Variants in GRAMD2B observed in about 807,000 individuals in gnomAD.
GRAMD2B encodes the protein GRAM domain-containing protein 2B.
A neutral mutation model predicts 59.2 loss-of-function variants in GRAMD2B; 41 were observed. That is an observed-to-expected ratio of 0.69 (90% CI 0.54 to 0.90). The LOEUF is 0.90. Among genes scored for constraint, GRAMD2B ranks in the 40% least tolerant of loss-of-function variants. The pLI is 0.00. For synonymous variants in GRAMD2B, 161 were observed against 182.7 expected (o/e 0.88, Z 0.96); for missense variants, 424 against 500.5 (o/e 0.85, Z 1.46).
At chr5:126,451,465 T>C (rs902605120) in intron 1 of GRAMD2B, among the ~76,000 whole-genome samples, 32 of 152,154 alleles carry the variant, frequency 2.1e-4, no homozygotes, top group African/African-American at 7.7e-4. Flanking sequence ...TTCCCCTTTC[T>C]TTTGGCCGAC....
chr5:126,377,633 A>C lies in GRAMD2B; in HGVS notation c.125+6066A>C, dbSNP rs75771664. 3.2e-3 allele frequency among the ~76,000 whole-genome samples: 480 copies of C among 152,220 alleles called. 4 individuals are homozygous for C. The highest frequency in any genetic ancestry group is 0.011 in the African/African-American group (456 of 41,542). ...ATTTAGTTTGGTATTTGTGGAATCT[A>C]TTTGTGTGATTTGCCTTCATTTCTG... On this transcript the variant is annotated intron_variant, in intron 1 of 8. Transcript: ENST00000506445.
At chr5:126,369,684 C>T (rs955050368), upstream of GRAMD2B, among the ~76,000 whole-genome samples, 1 of 152,162 alleles carries the variant, frequency 6.6e-6, no homozygotes, top group African/African-American at 2.4e-5. Context: ...ACGAGGAAAG[C>T]TTATCTATTG....
At chr5:126,393,455 C>A (rs1430890097) in intron 1 of GRAMD2B, among the ~76,000 whole-genome samples, 1 of 152,158 alleles carries the variant, frequency 6.6e-6, no homozygotes, top group Admixed American at 6.5e-5. Context: ...TGCCAAATTG[C>A]AACTTCAGCC....
intron 1 of GRAMD2B, among the ~76,000 whole-genome samples, chr5:126,405,601 G>C (rs1347432911): frequency 6.6e-6 from 1 of 151,676 alleles, no homozygotes; most frequent in Non-Finnish European, 1.5e-5. Context: ...CCTAAGTCTA[G>C]TGAACCAGAT....
chr5:126,455,765 A>T (rs902609556), intron 1 of GRAMD2B, among the ~76,000 whole-genome samples: 2 of 152,194 alleles, frequency 1.3e-5, no homozygotes, highest in African/African-American at 4.8e-5. Context: ...CAGCTATAAT[A>T]TTTTTCTACT....
At chr5:126,363,345 T>A (rs997605886) in intron 1 of GRAMD2B, among the ~76,000 whole-genome samples, 1 of 152,116 alleles carries the variant, frequency 6.6e-6, no homozygotes, top group African/African-American at 2.4e-5. Context: ...GTGGAGAAAC[T>A]GGAACTCTCA....
chr5:126,427,141 T>A (rs1561506050), intron 1 of GRAMD2B, among the ~76,000 whole-genome samples: 1 of 152,242 alleles, frequency 6.6e-6, no homozygotes, highest in South Asian at 2.1e-4. Context: ...ATTTAAGTTC[T>A]GGGGTACCTG....
intron 1 of GRAMD2B, among the ~76,000 whole-genome samples, chr5:126,361,452 A>T (rs1434075207): frequency 6.7e-6 from 1 of 150,046 alleles, no homozygotes; most frequent in East Asian, 2.0e-4. Context: ...GAAAAGAGAC[A>T]GTTTCTCAAG....
chr5:126,379,856 T>G (rs573653801), intron 1 of GRAMD2B, among the ~76,000 whole-genome samples: 125 of 152,328 alleles, frequency 8.2e-4, no homozygotes, highest in South Asian at 2.1e-3. Flanking sequence ...ACTCTGTGGG[T>G]TGTCTGTTTA....
chr5:126,385,659 C>G (rs971808166), intron 1 of GRAMD2B, among the ~76,000 whole-genome samples: 15 of 152,160 alleles, frequency 9.9e-5, no homozygotes, highest in Non-Finnish European at 1.9e-4. Context: ...TGTAATAAGG[C>G]ACTAGAGATC....
intron 1 of GRAMD2B, among the ~76,000 whole-genome samples, chr5:126,385,117 C>G (rs780458801): frequency 6.6e-6 from 1 of 152,106 alleles, no homozygotes; most frequent in African/African-American, 2.4e-5. Flanking sequence ...CTGACTTCAC[C>G]CCAGGAGGGC....
chr5:126,416,351 G>GA (rs540534401), intron 1 of GRAMD2B, among the ~76,000 whole-genome samples: 17 of 149,898 alleles, frequency 1.1e-4, no homozygotes, highest in African/African-American at 3.4e-4. Context: ...CCTGCAAAGT[G>GA]AAAAAAAAAG....
At chr5:126,466,209 C>A (rs577263633) in intron 2 of GRAMD2B, 31 of 1,534,166 alleles carry the variant, frequency 2.0e-5, no homozygotes, top group Non-Finnish European at 2.5e-5. Flanking sequence ...ATTATTAGAA[C>A]TTTGAGAACT....
At chr5:126,423,348 T>G, upstream of GRAMD2B, 1 of 1,319,308 alleles carries the variant, frequency 7.6e-7, no homozygotes, top group Non-Finnish European at 9.6e-7. Context: ...GGAAAGAGGC[T>G]GTCACTTCGC....
intron 5 of GRAMD2B, among the ~76,000 whole-genome samples, chr5:126,476,273 C>CA (rs371122156): frequency 1.8e-4 from 27 of 147,108 alleles, no homozygotes; most frequent in Admixed American, 3.4e-4. Context: ...AACTCTGTCT[C>CA]AAAAAAAAAA....
intron 2 of GRAMD2B, 137 bp downstream of exon 2, chr5:126,465,682 A>C: frequency 1.3e-6 from 1 of 762,812 alleles, no homozygotes; most frequent in Non-Finnish European, 2.1e-6. Flanking sequence ...AAGAATGAGC[A>C]TTTTTCCCTG....
intron 11 of GRAMD2B, 29 bp downstream of exon 11, chr5:126,485,802 T>A: frequency 1.5e-6 from 2 of 1,334,922 alleles, no homozygotes; most frequent in Non-Finnish European, 2.1e-6. Context: ...TGTGAGTGAC[T>A]AAGAAAATGA....
chr5:126,412,571 T>C (rs1222223788), intron 1 of GRAMD2B, among the ~76,000 whole-genome samples: 1 of 152,122 alleles, frequency 6.6e-6, no homozygotes, highest in Non-Finnish European at 1.5e-5. Flanking sequence ...TATAGTTTTC[T>C]GTTTTTGTTG....
At chr5:126,419,279 A>G (rs1452512295), upstream of GRAMD2B, among the ~76,000 whole-genome samples, 2 of 152,142 alleles carry the variant, frequency 1.3e-5, no homozygotes, top group Non-Finnish European at 2.9e-5. Context: ...GCAAAGGGGA[A>G]GCAAGCACCA....
Sources: gnomAD v4.1 joint callset for allele counts (sites outside exome capture counted in the v4.1 genomes callset) on GRCh38, gnomAD v4.1.1 for gene constraint, MANE v1.5 for transcripts, NCBI Gene and HGNC (gene_info 2026-07-23, HGNC 2026-07-21) for gene names.